Variants in PRKG1 observed in about 807,000 individuals in gnomAD.
The protein encoded by PRKG1 is cGMP-dependent protein kinase 1.
Under a neutral mutation model 88.1 loss-of-function variants are expected in PRKG1, and 35 were observed. That is an observed-to-expected ratio of 0.40 (90% confidence interval 0.30 to 0.53). PRKG1 has a LOEUF of 0.53. PRKG1 is among the 20% of genes least tolerant of loss of function. The pLI is 0.59. For missense variants in PRKG1, 540 were observed against 839.8 expected (o/e 0.64, Z 4.41); for synonymous variants, 303 against 292.5 (o/e 1.04, Z -0.37).
rs568096850 is a variant in PRKG1, at chr10:51,903,011, T to C, written c.699-4496T>C. Among the ~76,000 whole-genome samples the C allele has an allele frequency of 2.6e-5, 4 of 152,344 alleles. No individual in the cohort carries two copies. In the East Asian group the frequency reaches 7.7e-4, roughly 29 times the overall value. On this transcript the variant is annotated intron_variant, in intron 4 of 17. Transcript: ENST00000373980. ...ATGTGCTCCCAATTTTTGTTTTTAT[T>C]GACACATGCTTTAATAAAATTTTTT...
chr10:51,232,201 G>A (rs1171700246), intron 2 of PRKG1, among the ~76,000 whole-genome samples: 1 of 152,152 alleles, frequency 6.6e-6, no homozygotes, highest in Non-Finnish European at 1.5e-5. Context: ...GACTCTAAAA[G>A]TAGAACAGAC....
intron 14 of PRKG1, among the ~76,000 whole-genome samples, chr10:52,284,819 G>A (rs1842077666): frequency 1.3e-5 from 2 of 152,044 alleles, no homozygotes; most frequent in South Asian, 4.1e-4. Flanking sequence ...GCCTTTTAAG[G>A]CTTATAATGT....
intron 2 of PRKG1, among the ~76,000 whole-genome samples, chr10:51,410,690 A>C (rs981643510): frequency 5.9e-5 from 9 of 152,166 alleles, no homozygotes; most frequent in Non-Finnish European, 1.2e-4. Flanking sequence ...GCAGATAGTA[A>C]AACAAGTATG....
At chr10:51,000,228 T>C (rs575128327) in intron 1 of PRKG1, among the ~76,000 whole-genome samples, 17 of 152,198 alleles carry the variant, frequency 1.1e-4, no homozygotes, top group Admixed American at 2.6e-4. Context: ...TCTTAAAAAA[T>C]AAGATTGCGT....
chr10:51,808,369 G>A (rs1839362109), intron 4 of PRKG1, among the ~76,000 whole-genome samples: 1 of 152,088 alleles, frequency 6.6e-6, no homozygotes, highest in African/African-American at 2.4e-5. Context: ...TGCCAAAGTG[G>A]GCGGATTGTT....
chr10:51,750,188 G>A (rs1313160006), intron 3 of PRKG1, among the ~76,000 whole-genome samples: 3 of 151,954 alleles, frequency 2.0e-5, no homozygotes, highest in Non-Finnish European at 4.4e-5. Flanking sequence ...CACCCACCTC[G>A]GACCCCCAAA....
At chr10:51,115,372 C>CATATATATATAT (rs57104400) in intron 1 of PRKG1, among the ~76,000 whole-genome samples, 428 of 31,876 alleles carry the variant, frequency 0.013, 30 homozygotes, top group African/African-American at 0.027. Context: ...TTCCTTTAAA[C>CATATATATATAT]ATATATATAT....
intron 2 of PRKG1, among the ~76,000 whole-genome samples, chr10:51,297,924 G>C (rs1387488991): frequency 6.6e-6 from 1 of 152,006 alleles, no homozygotes; most frequent in East Asian, 1.9e-4. Flanking sequence ...CTAACAATGA[G>C]GGATAGAGTA....
chr10:51,284,967 C>T (rs1260529071), intron 2 of PRKG1, among the ~76,000 whole-genome samples: 19 of 134,368 alleles, frequency 1.4e-4, no homozygotes, highest in African/African-American at 5.0e-4. Context: ...CATATGTATA[C>T]ATGTGCCATG....
upstream of PRKG1, among the ~76,000 whole-genome samples, chr10:51,071,969 C>T (rs563996505): frequency 1.6e-4 from 25 of 152,238 alleles, no homozygotes; most frequent in East Asian, 4.1e-3. Flanking sequence ...GAGGCCAAGG[C>T]GGGCAGATCA....
At chr10:51,510,074 C>G (rs1269462006) in intron 3 of PRKG1, among the ~76,000 whole-genome samples, 1 of 152,124 alleles carries the variant, frequency 6.6e-6, no homozygotes, top group Non-Finnish European at 1.5e-5. Context: ...TCTTTGTGTT[C>G]TGAAAAAGTT....
At chr10:52,079,913 C>T (rs370409495) in intron 7 of PRKG1, among the ~76,000 whole-genome samples, 1 of 152,126 alleles carries the variant, frequency 6.6e-6, no homozygotes, top group Non-Finnish European at 1.5e-5. Context: ...CCCATACATG[C>T]TAATAAGTGC....
At chr10:51,979,327 C>T (rs2199585) in intron 5 of PRKG1, among the ~76,000 whole-genome samples, 16,537 of 147,248 alleles carry the variant, frequency 0.11, 1,215 homozygotes, top group East Asian at 0.33. Flanking sequence ...GTGATGGATA[C>T]GCTTTTTGAT....
rs568773160 is a variant in PRKG1, at chr10:51,101,839, A to G, written c.311+26938A>G. 2.0e-5 allele frequency among the ~76,000 whole-genome samples: 3 copies of G among 152,316 alleles called. No homozygotes were observed. The East Asian group carries it at 5.8e-4, about 29-fold the overall frequency. On this transcript the variant is annotated intron_variant, in intron 1 of 17. Coordinates refer to ENST00000373980, the MANE Select transcript of PRKG1 (RefSeq NM_006258.4). ...TTCAGAAAACATAAGGACTGGAGTC[A>G]CCAGTTACCCCTGGGCCTGGGGTAA...
intron 4 of PRKG1, among the ~76,000 whole-genome samples, chr10:51,812,366 A>T (rs1292041297): frequency 6.6e-6 from 1 of 152,176 alleles, no homozygotes; most frequent in East Asian, 1.9e-4. Flanking sequence ...TCTTAGCCCA[A>T]TTCATTCAAC....
rs550138038 is a variant in PRKG1, at chr10:51,660,956, A to G, written c.593-143629A>G. Among the ~76,000 whole-genome samples, 8 of 152,204 alleles carry G rather than the reference A, an allele frequency of 5.3e-5. No individual in the cohort carries two copies. The East Asian group carries it at 1.5e-3, about 29-fold the overall frequency. On this transcript the variant is annotated intron_variant, in intron 3 of 17. Coordinates refer to ENST00000373980, the MANE Select transcript of PRKG1 (RefSeq NM_006258.4). ...TTTTATTTGGATTCAAGGAAATATA[A>G]ATGTTTTAAATTGGAACATAAATCA...
chr10:51,413,334 TA>T (rs202096071), intron 2 of PRKG1, among the ~76,000 whole-genome samples: 4,285 of 147,120 alleles, frequency 0.029, 115 homozygotes, highest in Admixed American at 0.06. Context: ...CACCTTCTCT[TA>T]AAAAAAATGT....
At chr10:51,907,183 T>C (rs1171941858) in intron 4 of PRKG1, among the ~76,000 whole-genome samples, 1 of 152,094 alleles carries the variant, frequency 6.6e-6, no homozygotes, top group East Asian at 1.9e-4. Context: ...GGGCTTAAAA[T>C]TTTATATTCG....
At chr10:52,090,667 T>G (rs1299710201) in intron 7 of PRKG1, among the ~76,000 whole-genome samples, 2 of 152,180 alleles carry the variant, frequency 1.3e-5, no homozygotes, top group East Asian at 3.9e-4. Flanking sequence ...ATTACCATAG[T>G]CCTTCTAACA....
Sources: allele counts gnomAD v4.1 joint callset (sites outside exome capture counted in the v4.1 genomes callset), GRCh38; gene constraint gnomAD v4.1.1; transcripts MANE v1.5; gene names NCBI Gene and HGNC (gene_info 2026-07-23, HGNC 2026-07-21).